The following TTC7B variants were observed in gnomAD, a reference collection of about 807,000 sequenced individuals.
The protein encoded by TTC7B is tetratricopeptide repeat domain 7B.
Under a neutral mutation model 106.8 loss-of-function variants are expected in TTC7B, and 28 were observed. The observed-to-expected ratio is 0.26, with a 90% CI of 0.19 to 0.36. TTC7B has a LOEUF of 0.36. Ranked by LOEUF, TTC7B falls within the 10% of genes least tolerant of loss-of-function variation. The probability of loss-of-function intolerance (pLI) is 1.00; values close to 1 mark genes in which losing one functional copy is unlikely to be tolerated. For missense variants in TTC7B, 862 were observed against 1,076.4 expected (o/e 0.80, Z 2.79); for synonymous variants, 405 against 430.6 (o/e 0.94, Z 0.74).
At chr14:90,643,955 A>G in intron 15 of TTC7B, 93 bp downstream of exon 15, 1 of 1,460,154 alleles carries the variant, frequency 6.8e-7, no homozygotes, top group East Asian at 2.3e-5. Flanking sequence ...CAGGGTGTCC[A>G]TGAGGGACTT....
intron 3 of TTC7B, among the ~76,000 whole-genome samples, chr14:90,765,035 T>C (rs1463178434): frequency 6.6e-6 from 1 of 152,194 alleles, no homozygotes; most frequent in Admixed American, 6.5e-5. Context: ...TTATTAATAA[T>C]AGTCAAATAA....
At chr14:90,702,120 G>A (rs1156258777) in intron 5 of TTC7B, among the ~76,000 whole-genome samples, 2 of 152,142 alleles carry the variant, frequency 1.3e-5, no homozygotes, top group African/African-American at 2.4e-5. Context: ...CCCTGGAGCC[G>A]GACAGCATGA....
Position 90,577,516 on chromosome 14 carries a change from G to A in TTC7B, c.2310+590C>T, listed in dbSNP as rs958268224. On this transcript the variant is annotated intron_variant, in intron 19 of 19. Coordinates refer to ENST00000328459, the MANE Select transcript of TTC7B (RefSeq NM_001010854.2). This position sits in a 1 kb window ranked among gnomAD's most constrained non-coding sequence, Gnocchi z 5.0. ...GGCTGTAGACGAAGGATGTGCACTC[G>A]TTGAGCGCCGCCACACCCCTGTGCA... 1.3e-5 allele frequency among the ~76,000 whole-genome samples: 2 copies of A among 152,180 alleles called. No individual in the cohort carries two copies. Among genetic ancestry groups the A allele is most frequent in the African/African-American group, 2.4e-5 (1 of 41,436 alleles).
At position 90,802,862 on chromosome 14, in the gene TTC7B, C is replaced by T. The variant is rs1002236949; in HGVS notation, c.121+13313G>A. On this transcript the variant is annotated intron_variant, in intron 1 of 19. Transcript: ENST00000328459. The surrounding 1 kb of genome is among the most constrained non-coding windows in gnomAD (Gnocchi z 4.7). ...CTCTCCTAGAAAACATGGATAAGGC[C>T]GGGCACGGTGGCTCACGCCTGTAAT... 7.9e-5 allele frequency among the ~76,000 whole-genome samples: 12 copies of T among 151,776 alleles called. No homozygotes were observed.
At chr14:90,795,365 T>C (rs55920536) in intron 1 of TTC7B, among the ~76,000 whole-genome samples, 6,467 of 152,194 alleles carry the variant, frequency 0.042, 190 homozygotes, top group Non-Finnish European at 0.058. Context: ...GACCTTACAC[T>C]CGAATTGTGC....
chr14:90,620,766 C>T (rs540256975), intron 15 of TTC7B, among the ~76,000 whole-genome samples: 1 of 152,228 alleles, frequency 6.6e-6, no homozygotes, highest in African/African-American at 2.4e-5. Flanking sequence ...TGCCAGAGTG[C>T]GTCTCTAAGC....
At chr14:90,715,823 A>G (rs1888634375) in intron 5 of TTC7B, among the ~76,000 whole-genome samples, 1 of 152,074 alleles carries the variant, frequency 6.6e-6, no homozygotes, top group Non-Finnish European at 1.5e-5. Context: ...GGTATGTTTT[A>G]TCCCTCCTTC....
rs934149437 is a variant in TTC7B at position 90,689,480 on chromosome 14, A to T, written c.950+60T>A. The T allele has an allele frequency of 2.7e-5, 39 of 1,470,952 alleles. No individual in the cohort carries two copies. In the Middle Eastern group the frequency reaches 8.4e-4, roughly 32 times the overall value. 91.1% of individuals were successfully genotyped at this position (1,470,952 alleles called of 1,614,324 possible). A position where few individuals can be genotyped will look rare whatever the true frequency, so the allele number is the denominator to read the frequency against. On this transcript the variant is annotated intron_variant, in intron 7 of 19. Coordinates refer to ENST00000328459, the MANE Select transcript of TTC7B (RefSeq NM_001010854.2). ...ACTCTTGTACTTCTCATCATCCTTG[A>T]ATTTTCCCAAGTTTTCCTCCCAACC...
At chr14:90,706,627 C>T (rs1888222735) in intron 5 of TTC7B, among the ~76,000 whole-genome samples, 1 of 152,072 alleles carries the variant, frequency 6.6e-6, no homozygotes, top group African/African-American at 2.4e-5. Flanking sequence ...CAATTTTTAC[C>T]CTTCTTGAAA....
chr14:90,581,120 T>C (rs1404000764), intron 18 of TTC7B, among the ~76,000 whole-genome samples: 1 of 152,170 alleles, frequency 6.6e-6, no homozygotes, highest in Admixed American at 6.5e-5. Flanking sequence ...TCTGTACTTG[T>C]GCCTGCCAGT....
intron 13 of TTC7B, among the ~76,000 whole-genome samples, chr14:90,650,503 C>T (rs1352425016): frequency 2.0e-5 from 3 of 152,104 alleles, no homozygotes; most frequent in African/African-American, 4.8e-5. Flanking sequence ...GGCTGATCAC[C>T]CTATATGCAC....
intron 9 of TTC7B, among the ~76,000 whole-genome samples, chr14:90,659,936 T>A (rs1015445571): frequency 3.3e-5 from 5 of 152,014 alleles, no homozygotes; most frequent in Admixed American, 6.5e-5. Flanking sequence ...AACAAATGTA[T>A]CCCTGCTGAG....
At chr14:90,648,061 C>A (rs960737723) in intron 13 of TTC7B, among the ~76,000 whole-genome samples, 2 of 152,128 alleles carry the variant, frequency 1.3e-5, no homozygotes, top group Non-Finnish European at 2.9e-5. Flanking sequence ...CTGTCTGCTG[C>A]AGGGAAGGGA....
At chr14:90,609,372 T>C (rs1892784972) in intron 17 of TTC7B, among the ~76,000 whole-genome samples, 2 of 152,222 alleles carry the variant, frequency 1.3e-5, no homozygotes, top group Non-Finnish European at 2.9e-5. Flanking sequence ...GGATCTGATT[T>C]CTCAAGCTGA....
At chr14:90,592,788 G>A (rs969442974) in intron 18 of TTC7B, among the ~76,000 whole-genome samples, 1 of 151,938 alleles carries the variant, frequency 6.6e-6, no homozygotes, top group Non-Finnish European at 1.5e-5. Context: ...CCAGCAGAGT[G>A]CCCTGGGAAC....
intron 11 of TTC7B, among the ~76,000 whole-genome samples, chr14:90,656,900 A>T (rs1392588426): frequency 6.6e-6 from 1 of 152,212 alleles, no homozygotes; most frequent in African/African-American, 2.4e-5. Context: ...TGGGAGTATG[A>T]ATTATAATTC....
chr14:90,668,174 C>A (rs1886486693), intron 9 of TTC7B, among the ~76,000 whole-genome samples: 1 of 151,118 alleles, frequency 6.6e-6, no homozygotes, highest in South Asian at 2.1e-4. Flanking sequence ...ACTTGCCCTA[C>A]TGCTCCAAAA....
chr14:90,671,023 T>G (rs1379272810), intron 9 of TTC7B, among the ~76,000 whole-genome samples: 1 of 152,158 alleles, frequency 6.6e-6, no homozygotes, highest in East Asian at 1.9e-4. Context: ...CCACCTAGCA[T>G]TAGCCAAACA....
intron 9 of TTC7B, chr14:90,675,794 T>C (rs1378389075): frequency 9.0e-6 from 1 of 111,520 alleles, no homozygotes; most frequent in Non-Finnish European, 1.9e-5. Flanking sequence ...AAGTTCCTTT[T>C]AAAAAATAGG....
Sources: gnomAD v4.1 joint callset for allele counts (sites outside exome capture counted in the v4.1 genomes callset) on GRCh38, gnomAD v4.1.1 for gene constraint, Gnocchi (gnomAD v3.1) non-coding constraint, MANE v1.5 for transcripts, NCBI Gene and HGNC (gene_info 2026-07-23, HGNC 2026-07-21) for gene names.